The following DIAPH3 variants were observed in gnomAD, a reference collection of about 807,000 sequenced individuals.
DIAPH3 encodes the protein diaphanous related formin 3.
DIAPH3 carries 117 observed loss-of-function variants against 144.3 expected under a neutral mutation model. The ratio of observed to expected loss-of-function variants is 0.81; its 90% CI spans 0.70 to 0.95. The LOEUF is 0.95. DIAPH3 is among the 40% of genes least tolerant of loss of function. The probability of loss-of-function intolerance (pLI) is 0.00; values close to 1 mark genes in which losing one functional copy is unlikely to be tolerated. For synonymous variants in DIAPH3, 519 were observed against 488.9 expected (o/e 1.06, Z -0.81); for missense variants, 1,421 against 1,412.7 (o/e 1.01, Z -0.09).
In DIAPH3 at chr13:60,163,737, G is replaced by T; in HGVS notation, c.30C>A (p.His10Gln). The T allele has an allele frequency of 6.2e-7, 1 of 1,604,998 alleles. No homozygotes were observed. Among genetic ancestry groups the T allele is most frequent in the Non-Finnish European group, 8.5e-7 (1 of 1,176,108 alleles). The change falls in exon 1 of 28, where the codon CAC becomes CAA. Residue 10 changes from histidine to glutamine, a missense_variant. Transcript: ENST00000400324. ...TCCCAGCGGCTGAGCCTTGGGCCGG[G>T]TGGTGCAGCCGCGGCTGGTGCCGTT... is the stretch of plus-strand genomic sequence containing the variant. MERHQPRLHHPAQGSAAGTP... is the reference protein window; with the variant it reads MERHQPRLHQPAQGSAAGTP...
intron 7 of DIAPH3, among the ~76,000 whole-genome samples, chr13:60,015,138 G>A (rs1014393918): frequency 2.0e-5 from 3 of 152,100 alleles, no homozygotes; most frequent in Non-Finnish European, 4.4e-5. Context: ...TGGGACTGCA[G>A]GCATGTGCCG....
At chr13:60,096,517 A>G (rs1345867939) in intron 3 of DIAPH3, among the ~76,000 whole-genome samples, 3 of 152,222 alleles carry the variant, frequency 2.0e-5, no homozygotes, top group Admixed American at 6.5e-5. Flanking sequence ...GGCTTAAAGT[A>G]TACCCACATA....
chr13:60,121,877 C>T (rs998020628), intron 2 of DIAPH3, among the ~76,000 whole-genome samples: 12 of 152,184 alleles, frequency 7.9e-5, no homozygotes, highest in East Asian at 3.9e-4. Context: ...ATGTGGACTA[C>T]ACCTCCTTTA....
In DIAPH3 at chr13:59,826,419, C is replaced by T. The variant is rs531282203; in HGVS notation, c.3027+6688G>A. On this transcript the variant is annotated intron_variant, in intron 24 of 27. Coordinates refer to ENST00000400324, the MANE Select transcript of DIAPH3 (RefSeq NM_001042517.2). ...AACAGAGAGCCAAATCATGAGTGAACTCCCATTCACAATTGCTTCAAAGAG... is the reference window on the plus strand; with the variant it reads ...AACAGAGAGCCAAATCATGAGTGAATTCCCATTCACAATTGCTTCAAAGAG... 2.0e-5 allele frequency among the ~76,000 whole-genome samples: 3 copies of T among 150,022 alleles called. No homozygotes were observed. In the East Asian group the frequency reaches 5.9e-4, roughly 29 times the overall value.
intron 26 of DIAPH3, 147 bp downstream of exon 26, chr13:59,774,581 G>C: frequency 2.5e-6 from 2 of 793,400 alleles, no homozygotes; most frequent in South Asian, 3.0e-5. Context: ...GTCTGTGCAA[G>C]GGATTAAGCA....
At chr13:60,085,710 T>A (rs1318026122) in intron 4 of DIAPH3, among the ~76,000 whole-genome samples, 6 of 152,168 alleles carry the variant, frequency 3.9e-5, no homozygotes, top group African/African-American at 1.4e-4. Flanking sequence ...TTTCTTAAAT[T>A]TTCACTTTTT....
At chr13:59,782,895 T>G (rs2038813236) in intron 25 of DIAPH3, among the ~76,000 whole-genome samples, 2 of 152,100 alleles carry the variant, frequency 1.3e-5, no homozygotes, top group Admixed American at 1.3e-4. Flanking sequence ...TCTTGAAGAA[T>G]GTGCAGTGGA....
chr13:60,113,448 G>A (rs889698471), intron 2 of DIAPH3, among the ~76,000 whole-genome samples: 5 of 152,040 alleles, frequency 3.3e-5, no homozygotes, highest in African/African-American at 1.2e-4. Context: ...TTCAAAATAG[G>A]TTTCTAAATT....
chr13:60,001,688 C>T (rs909487602), intron 9 of DIAPH3, among the ~76,000 whole-genome samples: 2 of 152,218 alleles, frequency 1.3e-5, no homozygotes, highest in Non-Finnish European at 2.9e-5. Flanking sequence ...ACTTGCCTCT[C>T]TCTTCAAAAA....
rs183907782 is a variant in DIAPH3, at chr13:59,851,951, T to C, written c.2737+9456A>G. Among the ~76,000 whole-genome samples, 245 of 152,292 alleles carry C rather than the reference T, an allele frequency of 1.6e-3. 1 individual carries two copies. Among genetic ancestry groups the C allele is most frequent in the Non-Finnish European group, 6.0e-4 (41 of 68,026 alleles). ...GAATCTTATTTAAACTAACTTTATTTTTTTTTTTCTGTCACTCACAGTCAA... is the reference window on the plus strand; with the variant it reads ...GAATCTTATTTAAACTAACTTTATTCTTTTTTTTCTGTCACTCACAGTCAA... On this transcript the variant is annotated intron_variant, in intron 22 of 27. Coordinates refer to ENST00000400324, the MANE Select transcript of DIAPH3 (RefSeq NM_001042517.2).
intron 27 of DIAPH3, among the ~76,000 whole-genome samples, chr13:59,731,035 G>C (rs1048434081): frequency 6.6e-6 from 1 of 152,098 alleles, no homozygotes; most frequent in African/African-American, 2.4e-5. Flanking sequence ...AAAAAGCTCA[G>C]ATCTTTCCTG....
chr13:60,042,891 A>G, intron 4 of DIAPH3, 71 bp from the exon 5 acceptor site: 4 of 1,543,918 alleles, frequency 2.6e-6, no homozygotes, highest in Admixed American at 3.4e-5. Context: ...TAACAAGTTA[A>G]TCTCCCTAAC....
At chr13:59,960,631 A>G in intron 17 of DIAPH3, among the ~76,000 whole-genome samples, 1 of 152,120 alleles carries the variant, frequency 6.6e-6, no homozygotes, top group Non-Finnish European at 1.5e-5. Flanking sequence ...CATCCTCACT[A>G]ATCTCTGAAA....
intron 24 of DIAPH3, among the ~76,000 whole-genome samples, chr13:59,815,998 G>A (rs2040751160): frequency 6.6e-6 from 1 of 152,000 alleles, no homozygotes. Flanking sequence ...GTAGGGTGGA[G>A]GGTTAAATTA....
At chr13:59,957,425 G>A (rs2049476105) in intron 17 of DIAPH3, among the ~76,000 whole-genome samples, 1 of 152,208 alleles carries the variant, frequency 6.6e-6, no homozygotes, top group Non-Finnish European at 1.5e-5. Flanking sequence ...CTGCCACCAT[G>A]TAAGATGGGC....
intron 3 of DIAPH3, among the ~76,000 whole-genome samples, chr13:60,111,629 G>T (rs1161300085): frequency 6.6e-6 from 1 of 152,184 alleles, no homozygotes; most frequent in African/African-American, 2.4e-5. Context: ...ATGATGTGAG[G>T]TGGAACAGTT....
chr13:59,852,385 T>C (rs144259749), intron 22 of DIAPH3, among the ~76,000 whole-genome samples: 2,600 of 152,332 alleles, frequency 0.017, 65 homozygotes, highest in East Asian at 0.098. Flanking sequence ...TTGGCTGAAA[T>C]GAAAAAATTT....
chr13:60,057,317 AATACCAAGGAAT>A (rs1163617236), intron 4 of DIAPH3, among the ~76,000 whole-genome samples: 3 of 151,986 alleles, frequency 2.0e-5, no homozygotes, highest in South Asian at 2.1e-4. Flanking sequence ...AAAAAAATAA[AATACCAAGGAAT>A]ATACTTAACC....
intron 25 of DIAPH3, among the ~76,000 whole-genome samples, chr13:59,797,563 A>C (rs1240608435): frequency 6.6e-6 from 1 of 152,206 alleles, no homozygotes; most frequent in Non-Finnish European, 1.5e-5. Context: ...CCTAATGAAA[A>C]AACAATAACC....
Sources: gnomAD v4.1 joint callset for allele counts (sites outside exome capture counted in the v4.1 genomes callset) on GRCh38, gnomAD v4.1.1 for gene constraint, MANE v1.5 for transcripts, NCBI Gene and HGNC (gene_info 2026-07-23, HGNC 2026-07-21) for gene names.